Variants in FOXP1 observed in about 807,000 individuals in gnomAD.
FOXP1 encodes forkhead box P1.
In FOXP1, 15 loss-of-function variants were observed where a neutral mutation model predicts 98.2. That is an observed-to-expected ratio of 0.15 (90% CI 0.10 to 0.24). The LOEUF is 0.24. FOXP1 is among the 10% of genes least tolerant of loss of function. The pLI is 1.00. For synonymous variants in FOXP1, 371 were observed against 314.5 expected (o/e 1.18, Z -1.90); for missense variants, 633 against 848.5 (o/e 0.75, Z 3.15).
intron 6 of FOXP1, among the ~76,000 whole-genome samples, chr3:71,120,784 C>T (rs1309383344): frequency 1.3e-5 from 2 of 152,172 alleles, no homozygotes; most frequent in African/African-American, 4.8e-5. Flanking sequence ...CTGAACCCCT[C>T]TTCTAGATCT....
intron 19 of FOXP1, 101 bp from the exon 20 acceptor site, chr3:70,966,157 G>T: frequency 9.3e-7 from 1 of 1,075,476 alleles, no homozygotes; most frequent in Non-Finnish European, 1.4e-6. Flanking sequence ...TGAGTTAATT[G>T]TAGCATGGCT....
intron 3 of FOXP1, among the ~76,000 whole-genome samples, chr3:71,387,066 G>T (rs1280830266): frequency 6.6e-6 from 1 of 152,120 alleles, no homozygotes; most frequent in Non-Finnish European, 1.5e-5. Flanking sequence ...TCACCCAGCT[G>T]CCATGAGCCA....
At chr3:70,974,489 G>C (rs916883858) in intron 17 of FOXP1, among the ~76,000 whole-genome samples, 1 of 151,914 alleles carries the variant, frequency 6.6e-6, no homozygotes, top group African/African-American at 2.4e-5. Context: ...TGTAGAGATG[G>C]GGTCTTGCTA....
chr3:71,309,227 T>A (rs751144698), intron 4 of FOXP1, among the ~76,000 whole-genome samples: 6 of 152,168 alleles, frequency 3.9e-5, no homozygotes, highest in Admixed American at 1.3e-4. Flanking sequence ...CAATTGCACA[T>A]TCATAATTTT....
intron 7 of FOXP1, 146 bp downstream of exon 7, chr3:71,112,390 T>C: frequency 4.4e-6 from 3 of 684,104 alleles, no homozygotes; most frequent in East Asian, 5.5e-5. Flanking sequence ...CCCCAAAATG[T>C]TACAACTTGC....
At chr3:70,960,725 A>C (rs1277368849) in intron 20 of FOXP1, among the ~76,000 whole-genome samples, 1 of 152,202 alleles carries the variant, frequency 6.6e-6, no homozygotes, top group East Asian at 1.9e-4. Flanking sequence ...TTAAAAACAA[A>C]CAGAGGAGTG....
At position 71,175,105 on chromosome 3, in the gene FOXP1, G is replaced by T. The variant is rs542274061; in HGVS notation, c.180+23097C>A. On this transcript the variant is annotated intron_variant, in intron 6 of 20. Coordinates refer to ENST00000649528, the MANE Select transcript of FOXP1 (RefSeq NM_001349338.3). ...TTTTTTGTGTTTTCAGTAGAGACGA[G>T]GTTTCACTATATTGGCCAGGCTGGT... Among the ~76,000 whole-genome samples the T allele has an allele frequency of 3.5e-3, 529 of 152,118 alleles. 7 individuals are homozygous for T. Among genetic ancestry groups the T allele is most frequent in the African/African-American group, 0.013 (520 of 41,494 alleles).
chr3:71,342,508 C>T (rs1017598638), intron 4 of FOXP1, among the ~76,000 whole-genome samples: 1 of 152,230 alleles, frequency 6.6e-6, no homozygotes, highest in Middle Eastern at 3.4e-3. Flanking sequence ...GCCTGACCAA[C>T]AAGGTGAAAC....
chr3:70,977,156 G>GT, intron 16 of FOXP1, 114 bp from the exon 17 acceptor site: 1 of 760,834 alleles, frequency 1.3e-6, no homozygotes, highest in Admixed American at 2.0e-5. Flanking sequence ...CCTGAGAAAG[G>GT]TTTTACAAAA....
intron 6 of FOXP1, among the ~76,000 whole-genome samples, chr3:71,119,065 A>C (rs2058575344): frequency 6.6e-6 from 1 of 152,232 alleles, no homozygotes; most frequent in Non-Finnish European, 1.5e-5. Context: ...TCAGTTCCCC[A>C]AAATAATTTT....
At chr3:71,456,512 A>G (rs2087522824) in intron 3 of FOXP1, among the ~76,000 whole-genome samples, 1 of 152,150 alleles carries the variant, frequency 6.6e-6, no homozygotes, top group Admixed American at 6.5e-5. Context: ...GTTCCCCTTG[A>G]GGGTCAGCCC....
chr3:71,555,525 A>C (rs1234673767), intron 2 of FOXP1, among the ~76,000 whole-genome samples: 1 of 152,244 alleles, frequency 6.6e-6, no homozygotes, highest in Non-Finnish European at 1.5e-5. Flanking sequence ...TCACTGTCCC[A>C]GATAAACTGA....
At position 71,001,006 on chromosome 3, in the gene FOXP1, A is replaced by C. The variant is rs2107612907; in HGVS notation, c.1028T>G (p.Val343Gly). Reference protein sequence around the residue: ...LDDRSTAQCRVQMQVVQQLEL... With the variant: ...LDDRSTAQCRGQMQVVQQLEL... Reference sequence around the variant, plus strand: ...TAACTGCTGTACAACCTGCATTTGTACTCTACATTGGGCTGTACTTCTATC... The same window carrying C: ...TAACTGCTGTACAACCTGCATTTGTCCTCTACATTGGGCTGTACTTCTATC... The change falls in exon 13 of 21, where the codon GTA (valine) becomes GGA (glycine). Residue 343 changes from valine to glycine, a missense_variant. Physicochemically the swap from Val to Gly is moderately radical, Grantham distance 109 (BLOSUM62 -3). Transcript: ENST00000649528. The C allele has an allele frequency of 6.2e-7, 1 of 1,613,490 alleles. No homozygotes were observed. Among genetic ancestry groups the C allele is most frequent in the Non-Finnish European group, 8.5e-7 (1 of 1,179,474 alleles).
At chr3:71,234,638 G>A (rs2066621034) in intron 5 of FOXP1, among the ~76,000 whole-genome samples, 1 of 152,170 alleles carries the variant, frequency 6.6e-6, no homozygotes, top group Non-Finnish European at 1.5e-5. Context: ...AATGTTTAGT[G>A]CAGATGAGTC....
intron 19 of FOXP1, among the ~76,000 whole-genome samples, chr3:70,967,770 A>G (rs1416529424): frequency 1.8e-5 from 2 of 112,630 alleles, no homozygotes; most frequent in Non-Finnish European, 3.3e-5. Flanking sequence ...CTTTTATCTG[A>G]GAGAGGTGTG....
At chr3:71,573,549 A>G (rs919518091) in intron 2 of FOXP1, 2 of 152,210 alleles carry the variant, frequency 1.3e-5, no homozygotes, top group African/African-American at 4.8e-5. Flanking sequence ...AACAAAAGCC[A>G]TTATTTAGAA....
At chr3:71,306,213 C>T (rs2074260386) in intron 4 of FOXP1, among the ~76,000 whole-genome samples, 1 of 152,018 alleles carries the variant, frequency 6.6e-6, no homozygotes, top group South Asian at 2.1e-4. Flanking sequence ...GGGGACACCA[C>T]TAAACAGGAG....
At chr3:71,428,124 G>T (rs1279580349) in intron 3 of FOXP1, among the ~76,000 whole-genome samples, 5 of 152,146 alleles carry the variant, frequency 3.3e-5, no homozygotes, top group African/African-American at 1.2e-4. Context: ...TAAGGGAAGA[G>T]CCCTTTTCCT....
At chr3:71,249,495 A>C (rs1201862457) in intron 5 of FOXP1, among the ~76,000 whole-genome samples, 1 of 152,172 alleles carries the variant, frequency 6.6e-6, no homozygotes, top group Non-Finnish European at 1.5e-5. Context: ...AAATGAGGAG[A>C]CTGAGGCTCA....
Sources: gnomAD v4.1 joint callset for allele counts (sites outside exome capture counted in the v4.1 genomes callset) on GRCh38, gnomAD v4.1.1 for gene constraint, MANE v1.5 for transcripts, NCBI Gene and HGNC (gene_info 2026-07-23, HGNC 2026-07-21) for gene names.